SNX29: variants seen among roughly 807,000 people sequenced by gnomAD.
SNX29 encodes sorting nexin-29.
In SNX29, 78 loss-of-function variants were observed where a neutral mutation model predicts 102.1. The ratio of observed to expected loss-of-function variants is 0.76; its 90% CI spans 0.64 to 0.92. The LOEUF (loss-of-function observed/expected upper bound fraction) is 0.92, where lower values mean the gene tolerates loss of function less well. SNX29 is among the 40% of genes least tolerant of loss of function. SNX29 has a pLI of 0.00. For synonymous variants in SNX29, 580 were observed against 414.5 expected (o/e 1.40, Z -4.85); for missense variants, 1,280 against 1,061.7 (o/e 1.21, Z -2.86).
chr16:12,412,150 G>A (rs2084422602), intron 18 of SNX29, among the ~76,000 whole-genome samples: 1 of 152,206 alleles, frequency 6.6e-6, no homozygotes, highest in Non-Finnish European at 1.5e-5. Flanking sequence ...CATCGGGTAG[G>A]ACGCCCCAGC....
chr16:12,329,931 G>A (rs1256047573), intron 15 of SNX29, among the ~76,000 whole-genome samples: 1 of 152,166 alleles, frequency 6.6e-6, no homozygotes, highest in East Asian at 1.9e-4. Context: ...GTTCCAAAAG[G>A]CATTTGAGTG....
intron 18 of SNX29, among the ~76,000 whole-genome samples, chr16:12,434,308 T>A (rs1350419320): frequency 6.6e-6 from 1 of 152,210 alleles, no homozygotes; most frequent in African/African-American, 2.4e-5. Context: ...CTGTTTTTGT[T>A]TCTCTGTTTG....
chr16:12,067,829 C>G (rs778855806), intron 9 of SNX29, among the ~76,000 whole-genome samples: 10 of 152,168 alleles, frequency 6.6e-5, no homozygotes, highest in Non-Finnish European at 1.2e-4. Flanking sequence ...CTGGGTGATA[C>G]TGGCCTTAAT....
At chr16:12,389,771 A>T (rs1260416422) in intron 16 of SNX29, among the ~76,000 whole-genome samples, 3 of 152,112 alleles carry the variant, frequency 2.0e-5, no homozygotes, top group African/African-American at 7.2e-5. Context: ...GCCTTGAAAC[A>T]TCTCCTGGAA....
chr16:12,500,777 A>G (rs1196003179), intron 19 of SNX29, among the ~76,000 whole-genome samples: 1 of 152,216 alleles, frequency 6.6e-6, no homozygotes, highest in Non-Finnish European at 1.5e-5. Context: ...ACAGGCCCCC[A>G]GGTGGGTTGC....
At chr16:12,454,769 G>C (rs2086462597) in intron 18 of SNX29, among the ~76,000 whole-genome samples, 1 of 151,858 alleles carries the variant, frequency 6.6e-6, no homozygotes. Context: ...ACCCAGGCTG[G>C]AGTGCAGTGG....
chr16:11,977,025 G>T (rs961553420), intron 1 of SNX29: 116 of 498,864 alleles, frequency 2.3e-4, no homozygotes, highest in Non-Finnish European at 3.5e-4. Context: ...GGCACTCCTG[G>T]TCTCCTGACT....
chr16:12,259,953 T>C (rs1416433494), intron 14 of SNX29, among the ~76,000 whole-genome samples: 5 of 151,870 alleles, frequency 3.3e-5, no homozygotes, highest in East Asian at 1.9e-4. Context: ...CTCTGCCCCA[T>C]GAATGCAGCC....
chr16:12,225,706 G>A (rs1045776894), intron 14 of SNX29, among the ~76,000 whole-genome samples: 12 of 152,154 alleles, frequency 7.9e-5, no homozygotes, highest in African/African-American at 2.9e-4. Flanking sequence ...AAAGTTAAAG[G>A]CCTTTCTGGC....
chr16:12,337,635 C>T (rs1023773548), intron 15 of SNX29, among the ~76,000 whole-genome samples: 1 of 152,200 alleles, frequency 6.6e-6, no homozygotes, highest in Admixed American at 6.5e-5. Context: ...AGCCACTTCA[C>T]CTAGTCACAT....
Position 12,572,738 on chromosome 16 carries a change from G to C in SNX29, c.*4109G>C, listed in dbSNP as rs1421990988. 4.7e-6 allele frequency: 5 copies of C among 1,064,048 alleles called. No homozygotes were observed. The highest frequency in any genetic ancestry group is 4.6e-6 in the Non-Finnish European group (4 of 878,572). The allele number at this position is 1,064,048 out of a possible 1,614,324, so 65.9% of individuals were successfully genotyped here. A position where few individuals can be genotyped will look rare whatever the true frequency, so the allele number is the denominator to read the frequency against. On this transcript the variant is annotated 3_prime_UTR_variant, in exon 21 of 21. Coordinates refer to ENST00000566228, the MANE Select transcript of SNX29 (RefSeq NM_032167.5). ...TGGCACAGAACTGATGGCAAAGGAA[G>C]GGCTGGGTTTTCAGCTTCTGGGACC...
At chr16:12,189,524 C>T (rs562543705) in intron 13 of SNX29, among the ~76,000 whole-genome samples, 1 of 152,046 alleles carries the variant, frequency 6.6e-6, no homozygotes, top group East Asian at 1.9e-4. Context: ...TTTAGTGCAT[C>T]CTGGCAGGTG....
At chr16:12,178,209 G>T (rs370233920) in intron 13 of SNX29, among the ~76,000 whole-genome samples, 1 of 152,142 alleles carries the variant, frequency 6.6e-6, no homozygotes, top group African/African-American at 2.4e-5. Flanking sequence ...TGAGCATCTC[G>T]TGGTTACAGG....
intron 20 of SNX29, among the ~76,000 whole-genome samples, chr16:12,554,519 A>G (rs1238931331): frequency 2.0e-5 from 3 of 152,210 alleles, no homozygotes; most frequent in Non-Finnish European, 4.4e-5. Flanking sequence ...AGGATGCTGC[A>G]TTGAACATTC....
At chr16:12,043,223 A>C in intron 5 of SNX29, 146 bp downstream of exon 5, 1 of 1,077,518 alleles carries the variant, frequency 9.3e-7, no homozygotes, top group South Asian at 1.5e-5. Flanking sequence ...TGTTCTGCTG[A>C]GCTGTGGAGA....
At chr16:12,518,285 A>G (rs1039625237) in intron 19 of SNX29, among the ~76,000 whole-genome samples, 3 of 152,164 alleles carry the variant, frequency 2.0e-5, no homozygotes, top group Non-Finnish European at 4.4e-5. Context: ...TCACTGGTCT[A>G]CGTGGCTCTG....
chr16:12,542,574 C>G (rs1241726072), intron 20 of SNX29, among the ~76,000 whole-genome samples: 1 of 152,208 alleles, frequency 6.6e-6, no homozygotes, highest in Admixed American at 6.5e-5. Flanking sequence ...TCAAGTGATC[C>G]ACCCGCCTCA....
At chr16:12,335,241 G>C (rs1320901380) in intron 15 of SNX29, among the ~76,000 whole-genome samples, 1 of 152,108 alleles carries the variant, frequency 6.6e-6, no homozygotes, top group Non-Finnish European at 1.5e-5. Context: ...CAGGACAGCA[G>C]GGAGGTAGGG....
At chr16:12,544,049 C>G (rs1597866073) in intron 20 of SNX29, among the ~76,000 whole-genome samples, 1 of 152,186 alleles carries the variant, frequency 6.6e-6, no homozygotes, top group Non-Finnish European at 1.5e-5. Context: ...CATTGCAAAG[C>G]CACAGGAATC....
Sources: allele counts gnomAD v4.1 joint callset (sites outside exome capture counted in the v4.1 genomes callset), GRCh38; gene constraint gnomAD v4.1.1; transcripts MANE v1.5; gene names NCBI Gene and HGNC (gene_info 2026-07-23, HGNC 2026-07-21).